Variants in ARHGEF11 observed in about 807,000 individuals in gnomAD.
ARHGEF11 encodes Rho guanine exchange factor (GEF) 11.
A neutral mutation model predicts 193.7 loss-of-function variants in ARHGEF11; 55 were observed. That is an observed-to-expected ratio of 0.28 (90% confidence interval 0.23 to 0.36). The LOEUF is 0.36. ARHGEF11 is among the 10% of genes least tolerant of loss of function. ARHGEF11 has a pLI of 1.00. For synonymous variants in ARHGEF11, 693 were observed against 768.0 expected, an observed-to-expected ratio of 0.90 and a Z score of 1.62; for missense variants, 1,723 against 2,005.6, an observed-to-expected ratio of 0.86 and a Z score of 2.69.
Position 157,044,296 on chromosome 1 carries a change from T to G in ARHGEF11, c.32+3A>C, listed in dbSNP as rs1160427380. Reference sequence around the variant, plus strand: ...TGAAAAATCAAATTATTAGCAAACCTACCTGTCTATACTCTGGGGTAACCT... The same window carrying G: ...TGAAAAATCAAATTATTAGCAAACCGACCTGTCTATACTCTGGGGTAACCT... On this transcript the variant is annotated splice_donor_region_variant and intron_variant, in intron 1 of 40. Transcript: ENST00000368194. 1 of 1,613,090 alleles carries G rather than the reference T, an allele frequency of 6.2e-7. No individual in the cohort carries two copies. The highest frequency in any genetic ancestry group is 8.5e-7 in the Non-Finnish European group (1 of 1,179,592).
chr1:156,958,241 G>C (rs1398513375), intron 17 of ARHGEF11, among the ~76,000 whole-genome samples: 1 of 152,188 alleles, frequency 6.6e-6, no homozygotes, highest in African/African-American at 2.4e-5. Flanking sequence ...TTTCGAAAAT[G>C]GCGCTAGAAA....
intron 4 of ARHGEF11, 134 bp downstream of exon 4, chr1:156,980,303 G>A: frequency 9.9e-7 from 1 of 1,009,192 alleles, no homozygotes; most frequent in South Asian, 1.4e-5. Context: ...TCCCTCGTAT[G>A]GTACCACTCC....
At chr1:156,986,711 C>G (rs1323513848) in intron 1 of ARHGEF11, among the ~76,000 whole-genome samples, 2 of 152,154 alleles carry the variant, frequency 1.3e-5, no homozygotes, top group Admixed American at 1.3e-4. Context: ...ACAAGCTCCC[C>G]ATTTAGCTTC....
Position 157,045,599 on chromosome 1 carries a change from C to G in ARHGEF11, c.-1269G>C, listed in dbSNP as rs920541110. 6.6e-6 allele frequency among the ~76,000 whole-genome samples: 1 copy of G among 151,652 alleles called. No individual in the cohort carries two copies. Among genetic ancestry groups the G allele is most frequent in the Non-Finnish European group, 1.5e-5 (1 of 67,832 alleles). On this transcript the variant is annotated 5_prime_UTR_variant, in exon 1 of 41. Coordinates refer to ENST00000368194, the MANE Select transcript of ARHGEF11 (RefSeq NM_198236.3). Reference sequence around the variant, plus strand: ...GCCCGCAGTGCCTCGCGCAGGACGCCCGGCCGGGCCTCGGGCTCCCGGCGC... The same window carrying G: ...GCCCGCAGTGCCTCGCGCAGGACGCGCGGCCGGGCCTCGGGCTCCCGGCGC...
At chr1:157,043,123 T>A (rs1435608171) in intron 1 of ARHGEF11, among the ~76,000 whole-genome samples, 1 of 152,194 alleles carries the variant, frequency 6.6e-6, no homozygotes. Context: ...ATTATATGCA[T>A]TTTAGGCCAC....
chr1:157,021,356 T>C (rs558836010), intron 1 of ARHGEF11, among the ~76,000 whole-genome samples: 4 of 152,330 alleles, frequency 2.6e-5, no homozygotes, highest in Admixed American at 2.6e-4. Flanking sequence ...ATCACAGGCA[T>C]GTCCTTGCCC....
intron 1 of ARHGEF11, among the ~76,000 whole-genome samples, chr1:157,015,089 GCAATCAAT>G (rs1170258792): frequency 6.6e-6 from 1 of 152,106 alleles, no homozygotes; most frequent in African/African-American, 2.4e-5. Context: ...AGGAATTCTG[GCAATCAAT>G]CTTGACTCTT....
At chr1:157,001,798 T>C (rs1667233085) in intron 1 of ARHGEF11, among the ~76,000 whole-genome samples, 1 of 152,228 alleles carries the variant, frequency 6.6e-6, no homozygotes, top group Non-Finnish European at 1.5e-5. Flanking sequence ...ACTGAGGGGC[T>C]TGCACAACAG....
At chr1:156,988,739 C>G (rs1665287824) in intron 1 of ARHGEF11, among the ~76,000 whole-genome samples, 1 of 152,078 alleles carries the variant, frequency 6.6e-6, no homozygotes, top group African/African-American at 2.4e-5. Context: ...AAATCAGAGG[C>G]TAGGGCAGGT....
rs1027487506 is a variant in ARHGEF11, at chr1:157,008,159, T to G, written c.33-21986A>C. Among the ~76,000 whole-genome samples the G allele has an allele frequency of 2.0e-5, 3 of 152,254 alleles. No homozygotes were observed. The East Asian group carries it at 5.8e-4, about 29-fold the overall frequency. On this transcript the variant is annotated intron_variant, in intron 1 of 40. Transcript: ENST00000368194. ...CTACATCTCACAGAATTATAAATGA[T>G]AAAGGCTAGAAAGAATCTCAACACT...
intron 29 of ARHGEF11, 128 bp from the exon 30 acceptor site, chr1:156,945,325 A>G (rs1571178074): frequency 1.9e-6 from 2 of 1,039,936 alleles, no homozygotes; most frequent in African/African-American, 1.6e-5. Flanking sequence ...GGTGGAGGGG[A>G]GCCACCCTTG....
intron 1 of ARHGEF11, among the ~76,000 whole-genome samples, chr1:156,988,544 A>G (rs1378836819): frequency 6.6e-6 from 1 of 152,178 alleles, no homozygotes; most frequent in South Asian, 2.1e-4. Flanking sequence ...TCCTATGCCC[A>G]TATTAAAGCC....
At chr1:157,010,680 T>C (rs1425157198) in intron 1 of ARHGEF11, among the ~76,000 whole-genome samples, 1 of 152,176 alleles carries the variant, frequency 6.6e-6, no homozygotes, top group Non-Finnish European at 1.5e-5. Flanking sequence ...AGTGCTGGGA[T>C]TATAGGCATG....
At position 156,956,566 on chromosome 1, in the gene ARHGEF11, TGTAAAA is replaced by T; in HGVS notation, c.1527-8_1527-3del. The T allele has an allele frequency of 6.2e-7, 1 of 1,614,112 alleles. No homozygotes were observed. Among genetic ancestry groups the T allele is most frequent in the Non-Finnish European group, 8.5e-7 (1 of 1,179,988 alleles). On this transcript the variant is annotated splice_polypyrimidine_tract_variant and splice_region_variant and intron_variant, in intron 18 of 40. Coordinates refer to ENST00000368194, the MANE Select transcript of ARHGEF11 (RefSeq NM_198236.3). ...TTGAGGGCGAAGTCCATGGGGGCGC[TGTAAAA>T]GAGGAACAGTGTCCTGAATCAGAGA...
At chr1:157,016,165 C>T (rs1669200795) in intron 1 of ARHGEF11, among the ~76,000 whole-genome samples, 1 of 152,344 alleles carries the variant, frequency 6.6e-6, no homozygotes, top group Admixed American at 6.5e-5. Context: ...GCACCCATTA[C>T]AGGCCTGGCA....
At chr1:156,980,591 T>G (rs1571342113) in intron 3 of ARHGEF11, 105 bp from the exon 4 acceptor site, 1 of 1,305,850 alleles carries the variant, frequency 7.7e-7, no homozygotes. Context: ...CTCTTATTTC[T>G]CTGTGTTAAG....
In ARHGEF11 at chr1:156,958,861, C is replaced by T. The variant is rs530875178; in HGVS notation, c.1383G>A (p.Thr461=). 2.8e-5 allele frequency: 45 copies of T among 1,614,160 alleles called. No homozygotes were observed. The East Asian group carries it at 5.6e-4, about 20-fold the overall frequency. The stretch of plus-strand genomic sequence containing the variant: ...GGCTGCCCAGCCCCAGTGTGCGCTT[C>T]GTTCTAAGCCAGATAAACACAGGGA... ...EIQEQIHDYR[T]KRTLGLGSLY... Residue 461 remains threonine (T), a synonymous_variant, in exon 17 of 41, where the codon ACG becomes ACA. Transcript: ENST00000368194.
intron 7 of ARHGEF11, among the ~76,000 whole-genome samples, chr1:156,972,740 A>G (rs1228221271): frequency 3.3e-5 from 5 of 152,192 alleles, no homozygotes; most frequent in Non-Finnish European, 5.9e-5. Context: ...CATCTGGTAA[A>G]AACCTTCCCA....
At chr1:156,962,898 A>AC (rs1445485461) in intron 13 of ARHGEF11, among the ~76,000 whole-genome samples, 1 of 150,812 alleles carries the variant, frequency 6.6e-6, no homozygotes, top group Non-Finnish European at 1.5e-5. Context: ...AAAAAAAAAA[A>AC]AAAAAAAAAA....
Sources: gnomAD v4.1 joint callset for allele counts (sites outside exome capture counted in the v4.1 genomes callset) on GRCh38, gnomAD v4.1.1 for gene constraint, MANE v1.5 for transcripts, NCBI Gene and HGNC (gene_info 2026-07-23, HGNC 2026-07-21) for gene names.